HERC1: variants seen among roughly 807,000 people sequenced by gnomAD.
HERC1 encodes probable E3 ubiquitin-protein ligase HERC1.
In HERC1, 160 loss-of-function variants were observed where a neutral mutation model predicts 554.3. The ratio of observed to expected loss-of-function variants is 0.29; its 90% confidence interval spans 0.25 to 0.33. HERC1 has a LOEUF of 0.33. HERC1 is among the 10% of genes least tolerant of loss of function. The pLI is 1.00. For synonymous variants in HERC1, 2,175 were observed against 2,131.7 expected (o/e 1.02, Z -0.56); for missense variants, 4,919 against 5,918.5 (o/e 0.83, Z 5.54).
chr15:63,615,896 C>T lies in HERC1; in HGVS notation c.13966G>A (p.Gly4656Ser). 1.3e-6 allele frequency: 2 copies of T among 1,595,264 alleles called. No homozygotes were observed. Among genetic ancestry groups the T allele is most frequent in the Admixed American group, 1.8e-5 (1 of 56,060 alleles). ...ACCATTTTGCCATCAGCACTCTGGC[C>T]AACAAAAGAATCAAGAGGAATCATC... ...HEMIPLDSFVGQSADGKMVPI... is the reference protein window; with the variant it reads ...HEMIPLDSFVSQSADGKMVPI... The change falls in exon 76 of 78, where the codon GGC becomes AGC. Residue 4656 changes from glycine (G) to serine (S), a missense_variant. By Grantham distance (56) the Gly-to-Ser change is moderately conservative. This residue lies in a region of HERC1 where 284 missense variants were observed against 294.1 expected (regional missense o/e 0.97). Transcript: ENST00000443617.
intron 23 of HERC1, 150 bp downstream of exon 23, chr15:63,713,203 T>C (rs1170212798): frequency 1.1e-5 from 8 of 735,148 alleles, no homozygotes; most frequent in Admixed American, 8.7e-5. Flanking sequence ...GTATTTACTT[T>C]ACTTTAAGTT....
chr15:63,801,867 T>C (rs950968673), intron 1 of HERC1, among the ~76,000 whole-genome samples: 5 of 152,188 alleles, frequency 3.3e-5, no homozygotes, highest in Non-Finnish European at 7.3e-5. Context: ...ACCTATCTCA[T>C]ATGCTAATGA....
chr15:63,630,483 T>C lies in HERC1; in HGVS notation c.12949A>G (p.Ser4317Gly), dbSNP rs772750680. 2.5e-6 allele frequency: 4 copies of C among 1,612,374 alleles called. No homozygotes were observed. The highest frequency in any genetic ancestry group is 3.4e-6 in the Non-Finnish European group (4 of 1,179,364). Residue 4317 changes from serine to glycine, a missense_variant, in exon 69 of 78, where the codon AGC becomes GGC. Transcript: ENST00000443617. ...ASNGDVYAWG[S>G]NSEGQLGLGH... ...ATATTTACCTGCCCTTCTGAATTGCTCCCCCAGGCATACACATCTCCATTT... is the reference window on the plus strand; with the variant it reads ...ATATTTACCTGCCCTTCTGAATTGCCCCCCCAGGCATACACATCTCCATTT...
chr15:63,674,806 T>C lies in HERC1; in HGVS notation c.7382A>G (p.Asn2461Ser). 6.2e-7 allele frequency: 1 copy of C among 1,613,966 alleles called. No homozygotes were observed. The highest frequency in any genetic ancestry group is 8.5e-7 in the Non-Finnish European group (1 of 1,179,858). ...ATCTAAAGAAAATGAAGCGATTTCA[T>C]TTTCTGATTTGGAGCTTGTGGTACT... ...SQSTTSSKSE[N>S]EIASFSLDPT... The change falls in exon 38 of 78, where the codon AAT becomes AGT. Residue 2461 changes from asparagine (N) to serine (S), a missense_variant. Coordinates refer to ENST00000443617, the MANE Select transcript of HERC1 (RefSeq NM_003922.4).
intron 33 of HERC1, among the ~76,000 whole-genome samples, chr15:63,687,452 C>T (rs951132462): frequency 4.0e-5 from 6 of 151,880 alleles, no homozygotes; most frequent in Admixed American, 1.3e-4. Context: ...ACAGAAGAAT[C>T]GCTTGAACCG....
intron 8 of HERC1, among the ~76,000 whole-genome samples, chr15:63,751,831 T>C (rs1483595834): frequency 5.3e-5 from 8 of 152,038 alleles, no homozygotes; most frequent in Admixed American, 5.2e-4. Flanking sequence ...ATGTAATGGA[T>C]TTATTATTAT....
chr15:63,746,769 T>G, intron 12 of HERC1, 149 bp downstream of exon 12: 1 of 673,620 alleles, frequency 1.5e-6, no homozygotes, highest in South Asian at 2.2e-5. Context: ...AAGGATGAGT[T>G]AACCAAAAAT....
intron 64 of HERC1, chr15:63,636,843 C>T (rs1285471710): frequency 5.2e-6 from 1 of 191,002 alleles, no homozygotes; most frequent in Non-Finnish European, 1.1e-5. Context: ...GTGCAATGTC[C>T]CAGAGCCAAG....
intron 33 of HERC1, among the ~76,000 whole-genome samples, chr15:63,689,383 T>C (rs2071973884): frequency 6.6e-6 from 1 of 152,094 alleles, no homozygotes; most frequent in Admixed American, 6.6e-5. Flanking sequence ...ACTTCACAGA[T>C]AAAAATGTGA....
intron 1 of HERC1, among the ~76,000 whole-genome samples, chr15:63,829,666 A>C (rs2146118023): frequency 6.7e-6 from 1 of 149,446 alleles, no homozygotes; most frequent in Admixed American, 6.7e-5. Flanking sequence ...AAACATACCG[A>C]GTATACAGAT....
rs575015492 is a variant in HERC1 at position 63,728,745 on chromosome 15, A to C, written c.3154+491T>G. On this transcript the variant is annotated intron_variant, in intron 16 of 77. Coordinates refer to ENST00000443617, the MANE Select transcript of HERC1 (RefSeq NM_003922.4). ...GGGGAGCAAAGAGGATAGAAGGCAA[A>C]ATTCGGAGGATCCTCAACATTAGAG... Among the ~76,000 whole-genome samples, 4 of 152,236 alleles carry C rather than the reference A, an allele frequency of 2.6e-5. No individual in the cohort carries two copies. The East Asian group carries it at 7.7e-4, about 29-fold the overall frequency.
chr15:63,618,581 A>C (rs1267725483), intron 74 of HERC1, among the ~76,000 whole-genome samples: 1 of 151,960 alleles, frequency 6.6e-6, no homozygotes, highest in Non-Finnish European at 1.5e-5. Flanking sequence ...TGAATCTATA[A>C]ATTACCTTGG....
At position 63,671,426 on chromosome 15, in the gene HERC1, C is replaced by T. The variant is rs191073481; in HGVS notation, c.8045+1070G>A. Among the ~76,000 whole-genome samples, 244 of 151,758 alleles carry T rather than the reference C, an allele frequency of 1.6e-3. 4 individuals carry two copies. Among genetic ancestry groups the T allele is most frequent in the Admixed American group, 0.014 (218 of 15,252 alleles). On this transcript the variant is annotated intron_variant, in intron 39 of 77. Coordinates refer to ENST00000443617, the MANE Select transcript of HERC1 (RefSeq NM_003922.4). ...AAAGAATAACCTATTATTCCTCTAT[C>T]TTCCTTATTCTTTGAACAGACGCAC...
At chr15:63,662,222 T>C (rs1258156079) in intron 44 of HERC1, among the ~76,000 whole-genome samples, 2 of 152,112 alleles carry the variant, frequency 1.3e-5, no homozygotes, top group East Asian at 3.9e-4. Flanking sequence ...TCTCTCACTC[T>C]AATAAGTTAT....
At chr15:63,751,676 A>C (rs2075252910) in intron 8 of HERC1, among the ~76,000 whole-genome samples, 1 of 152,180 alleles carries the variant, frequency 6.6e-6, no homozygotes, top group Non-Finnish European at 1.5e-5. Flanking sequence ...CTCAAGTTTA[A>C]TGGTAAAGAA....
At chr15:63,623,040 G>A in intron 73 of HERC1, 149 bp from the exon 74 acceptor site, 4 of 596,370 alleles carry the variant, frequency 6.7e-6, no homozygotes, top group Non-Finnish European at 1.2e-5. Flanking sequence ...TATTTTTGTG[G>A]TTTCAATTTA....
Position 63,633,829 on chromosome 15 carries a change from G to T in HERC1, c.12693+19C>A. On this transcript the variant is annotated intron_variant, in intron 67 of 77. Transcript: ENST00000443617. ...ACTATTTATGTTGTCTGAAAACCTA[G>T]ACTCAAGGCAGTACTGACCTGAGGT... The T allele has an allele frequency of 6.2e-7, 1 of 1,609,320 alleles. No individual in the cohort carries two copies. The highest frequency in any genetic ancestry group is 1.1e-5 in the South Asian group (1 of 90,218).
rs181923471 is a variant in HERC1 at position 63,758,788 on chromosome 15, C to A, written c.1027-419G>T. 5.3e-5 allele frequency among the ~76,000 whole-genome samples: 8 copies of A among 152,250 alleles called. No homozygotes were observed. Among genetic ancestry groups the A allele is most frequent in the African/African-American group, 1.9e-4 (8 of 41,556 alleles). On this transcript the variant is annotated intron_variant, in intron 3 of 77. Coordinates refer to ENST00000443617, the MANE Select transcript of HERC1 (RefSeq NM_003922.4). The surrounding 1 kb of genome is among the most constrained non-coding windows in gnomAD (Gnocchi z 4.0). ...ACAGAGGATACATAAAAGTGACAAACTGCACAAAAGAGTCATGCAAATCCA... is the reference window on the plus strand; with the variant it reads ...ACAGAGGATACATAAAAGTGACAAAATGCACAAAAGAGTCATGCAAATCCA...
At chr15:63,720,733 G>A (rs888540503) in intron 19 of HERC1, among the ~76,000 whole-genome samples, 1 of 152,066 alleles carries the variant, frequency 6.6e-6, no homozygotes. Flanking sequence ...GGAATTGCTT[G>A]CTATTCTGAG....
Sources: allele counts gnomAD v4.1 joint callset (sites outside exome capture counted in the v4.1 genomes callset), GRCh38; gene constraint gnomAD v4.1.1; regional missense constraint gnomAD v4.1.1; non-coding constraint Gnocchi (gnomAD v3.1); transcripts MANE v1.5; gene names NCBI Gene and HGNC (gene_info 2026-07-23, HGNC 2026-07-21).